ZNF704: variants seen among roughly 807,000 people sequenced by gnomAD.
ZNF704 encodes the protein zinc finger protein 704.
Under a neutral mutation model 44.7 loss-of-function variants are expected in ZNF704, and 10 were observed. The observed-to-expected ratio is 0.22, with a 90% CI of 0.14 to 0.38. The LOEUF (loss-of-function observed/expected upper bound fraction) is 0.38, where lower values mean the gene tolerates loss of function less well. Ranked by LOEUF, ZNF704 falls within the 10% of genes least tolerant of loss-of-function variation. The probability of loss-of-function intolerance (pLI) is 1.00; values close to 1 mark genes in which losing one functional copy is unlikely to be tolerated. For missense variants in ZNF704, 390 were observed against 545.5 expected (o/e 0.71, Z 2.84); for synonymous variants, 211 against 207.6 (o/e 1.02, Z -0.14).
chr8:80,860,791 T>C (rs1809047059), intron 1 of ZNF704, among the ~76,000 whole-genome samples: 1 of 152,248 alleles, frequency 6.6e-6, no homozygotes, highest in African/African-American at 2.4e-5. Context: ...CATACAATTA[T>C]GAATAAATTA....
At chr8:80,877,776 C>T (rs936484903), upstream of ZNF704, among the ~76,000 whole-genome samples, 5 of 152,156 alleles carry the variant, frequency 3.3e-5, no homozygotes, top group South Asian at 2.1e-4. Flanking sequence ...AACCCTCCCT[C>T]GGGGAGGAAG....
In ZNF704 at chr8:80,645,001, T is replaced by C. The variant is rs1817804653; in HGVS notation, c.1033-1872A>G. On this transcript the variant is annotated intron_variant, in intron 7 of 8. Coordinates refer to ENST00000327835, the MANE Select transcript of ZNF704 (RefSeq NM_001033723.3). The stretch of plus-strand genomic sequence containing the variant: ...ATGTGAGGTTCTGGTTCATGGATCA[T>C]ATAATGGACCCATCCCTGACTCTGC... 6 of 1,195,594 alleles carry C rather than the reference T, an allele frequency of 5.0e-6. No individual in the cohort carries two copies. The Admixed American group carries it at 6.7e-5, about 13-fold the overall frequency. 74.1% of individuals were successfully genotyped at this position (1,195,594 alleles called of 1,614,324 possible).
At chr8:80,794,770 A>G (rs1235564711) in intron 2 of ZNF704, among the ~76,000 whole-genome samples, 4 of 152,224 alleles carry the variant, frequency 2.6e-5, no homozygotes, top group Admixed American at 6.5e-5. Context: ...GCCATTCTGA[A>G]TAAGTGAACC....
intron 1 of ZNF704, among the ~76,000 whole-genome samples, chr8:80,854,090 T>G (rs907220621): frequency 6.6e-6 from 1 of 152,196 alleles, no homozygotes; most frequent in African/African-American, 2.4e-5. Context: ...CGTGACTGAA[T>G]TGAAATAATA....
chr8:80,875,264 A>G (rs2130092754), upstream of ZNF704, among the ~76,000 whole-genome samples: 1 of 152,164 alleles, frequency 6.6e-6, no homozygotes, highest in African/African-American at 2.4e-5. Context: ...CTATGTAGTA[A>G]GTGGTATTTC....
upstream of ZNF704, among the ~76,000 whole-genome samples, chr8:80,875,510 G>T (rs1160213871): frequency 6.6e-6 from 1 of 152,098 alleles, no homozygotes; most frequent in Non-Finnish European, 1.5e-5. Context: ...CACCATGTTG[G>T]CCAGGCTGGT....
chr8:80,661,284 C>CA (rs1393753473), intron 6 of ZNF704, among the ~76,000 whole-genome samples: 2 of 152,090 alleles, frequency 1.3e-5, no homozygotes, highest in African/African-American at 4.8e-5. Context: ...ATTAAAAAGA[C>CA]AAAAAATAAC....
At chr8:80,679,378 G>A (rs1390724496) in intron 4 of ZNF704, among the ~76,000 whole-genome samples, 1 of 149,154 alleles carries the variant, frequency 6.7e-6, no homozygotes, top group Non-Finnish European at 1.5e-5. Flanking sequence ...ATGGGAGGAG[G>A]AGAACATGAA....
intron 2 of ZNF704, among the ~76,000 whole-genome samples, chr8:80,723,422 A>C (rs764844043): frequency 3.3e-5 from 5 of 152,210 alleles, no homozygotes; most frequent in Non-Finnish European, 7.3e-5. Flanking sequence ...GAAATTTACA[A>C]ATGTGTTTTA....
At chr8:80,806,079 C>G (rs1807984971) in intron 2 of ZNF704, among the ~76,000 whole-genome samples, 1 of 152,196 alleles carries the variant, frequency 6.6e-6, no homozygotes, top group Non-Finnish European at 1.5e-5. Context: ...AGCATCTCTT[C>G]TTCTCAAACA....
intron 1 of ZNF704, among the ~76,000 whole-genome samples, chr8:80,866,449 G>A (rs1474221784): frequency 6.6e-6 from 1 of 152,160 alleles, no homozygotes; most frequent in East Asian, 1.9e-4. Flanking sequence ...CACACCCAAA[G>A]AAAATCATCC....
At chr8:80,850,373 A>T (rs1808838008) in intron 1 of ZNF704, among the ~76,000 whole-genome samples, 1 of 152,120 alleles carries the variant, frequency 6.6e-6, no homozygotes, top group South Asian at 2.1e-4. Context: ...TAATACATGC[A>T]TGAGATAAAA....
At chr8:80,676,273 T>C (rs1818364383) in intron 4 of ZNF704, among the ~76,000 whole-genome samples, 1 of 151,900 alleles carries the variant, frequency 6.6e-6, no homozygotes, top group South Asian at 2.1e-4. Context: ...CAAGGGAGGG[T>C]TTGTAAAGAT....
intron 2 of ZNF704, among the ~76,000 whole-genome samples, chr8:80,821,098 T>G (rs1351287833): frequency 6.6e-6 from 1 of 152,250 alleles, no homozygotes; most frequent in Non-Finnish European, 1.5e-5. Context: ...TCCTAATTTT[T>G]TGCATTTATT....
At chr8:80,833,346 C>T (rs939945527) in intron 1 of ZNF704, among the ~76,000 whole-genome samples, 24 of 151,828 alleles carry the variant, frequency 1.6e-4, no homozygotes, top group African/African-American at 5.8e-4. Context: ...AAGACTCCGT[C>T]TCAAAAAAAA....
At chr8:80,645,401 C>A (rs1817814000) in intron 7 of ZNF704, among the ~76,000 whole-genome samples, 3 of 152,286 alleles carry the variant, frequency 2.0e-5, no homozygotes, top group African/African-American at 7.2e-5. Flanking sequence ...TTAGTACTTT[C>A]TCTTCTCTTT....
intron 2 of ZNF704, among the ~76,000 whole-genome samples, chr8:80,800,711 T>C (rs1807884589): frequency 6.6e-6 from 1 of 151,942 alleles, no homozygotes; most frequent in Non-Finnish European, 1.5e-5. Flanking sequence ...AAAAACACAC[T>C]GAAGTACACA....
chr8:80,644,876 T>A (rs1320553279), intron 7 of ZNF704: 4 of 758,196 alleles, frequency 5.3e-6, no homozygotes, highest in Non-Finnish European at 9.3e-6. Context: ...ATCTGAAAGA[T>A]GTTAGGAAGT....
chr8:80,882,728 C>A, the ZNF704 span, among the ~76,000 whole-genome samples: 1 of 152,064 alleles, frequency 6.6e-6, no homozygotes, highest in South Asian at 2.1e-4. Flanking sequence ...ATAAATTGAC[C>A]TGCAGCAAGT....
Sources: gnomAD v4.1 joint callset for allele counts (sites outside exome capture counted in the v4.1 genomes callset) on GRCh38, gnomAD v4.1.1 for gene constraint, MANE v1.5 for transcripts, NCBI Gene and HGNC (gene_info 2026-07-23, HGNC 2026-07-21) for gene names.